The following DDX39B variants were observed in gnomAD, a reference collection of about 807,000 sequenced individuals.
DDX39B encodes spliceosome RNA helicase DDX39B.
DDX39B carries 6 observed loss-of-function variants against 46.4 expected under a neutral mutation model. The observed-to-expected ratio is 0.13, with a 90% CI of 0.07 to 0.26. The LOEUF (loss-of-function observed/expected upper bound fraction) is 0.26, where lower values mean the gene tolerates loss of function less well. Among genes scored for constraint, DDX39B ranks in the 10% least tolerant of loss-of-function variants. The probability of loss-of-function intolerance (pLI) is 1.00; values close to 1 mark genes in which losing one functional copy is unlikely to be tolerated. For missense variants in DDX39B, 185 were observed against 553.4 expected (o/e 0.33, Z 6.68); for synonymous variants, 174 against 199.4 (o/e 0.87, Z 1.07).
chr6:31,536,688 C>T lies in DDX39B; in HGVS notation c.433-5G>A, dbSNP rs1005257156. On this transcript the variant is annotated splice_polypyrimidine_tract_variant and splice_region_variant and intron_variant, in intron 4 of 10. Coordinates refer to ENST00000396172, the MANE Select transcript of DDX39B (RefSeq NM_004640.7). ...ACCACCAAAAAAAACAGCAACCTGCCGAGCCAGAAGCAAAGAGTCTCAAAA... is the reference window on the plus strand; with the variant it reads ...ACCACCAAAAAAAACAGCAACCTGCTGAGCCAGAAGCAAAGAGTCTCAAAA... The T allele has an allele frequency of 1.2e-6, 2 of 1,611,402 alleles. No individual in the cohort carries two copies. The highest frequency in any genetic ancestry group is 1.7e-6 in the Non-Finnish European group (2 of 1,179,656).
intron 5 of DDX39B, among the ~76,000 whole-genome samples, chr6:31,536,072 TACAA>T (rs1767747638): frequency 6.6e-6 from 1 of 152,202 alleles, no homozygotes; most frequent in African/African-American, 2.4e-5. Flanking sequence ...CACAAACTGC[TACAA>T]ACACTCTCTA....
At position 31,531,240 on chromosome 6, in the gene DDX39B, T is replaced by C; in HGVS notation, c.978-43A>G. ...TTTAAAACATGTTGAGATTCCCTTC[T>C]CTCAACTGTCTTTTTCTCCCAAGGA... On this transcript the variant is annotated intron_variant, in intron 8 of 10. Coordinates refer to ENST00000396172, the MANE Select transcript of DDX39B (RefSeq NM_004640.7). The surrounding 1 kb of genome is among the most constrained non-coding windows in gnomAD (Gnocchi z 5.8). 1 of 1,614,070 alleles carries C rather than the reference T, an allele frequency of 6.2e-7. No homozygotes were observed. The highest frequency in any genetic ancestry group is 8.5e-7 in the Non-Finnish European group (1 of 1,179,932).
rs1179010746 is a variant in DDX39B, at chr6:31,535,515, GA to G, written c.617-31del. 2.8e-5 allele frequency: 44 copies of G among 1,571,378 alleles called. No individual in the cohort carries two copies. Among genetic ancestry groups the G allele is most frequent in the Non-Finnish European group, 3.8e-5 (43 of 1,143,382 alleles). On this transcript the variant is annotated intron_variant, in intron 5 of 10. Coordinates refer to ENST00000396172, the MANE Select transcript of DDX39B (RefSeq NM_004640.7). The surrounding 1 kb of genome is among the most constrained non-coding windows in gnomAD (Gnocchi z 4.6). ...AAGAACAAGGAAAAAAATTGTAGGA[GA>G]AAATAAGCAGGTATGATAAACAAAG... is the stretch of plus-strand genomic sequence containing the variant.
intron 1 of DDX39B, chr6:31,541,411 C>T (rs1582971016): frequency 5.4e-6 from 2 of 370,872 alleles, no homozygotes; most frequent in East Asian, 1.5e-4. Flanking sequence ...GGTCTCACAT[C>T]ACTGTTACGC....
In DDX39B at chr6:31,534,716, G is replaced by A; in HGVS notation, c.735+651C>T. ...CTCCGCTGCCGCCATCCACCGCTGG[G>A]TGCCGTCTGCATTCCCTCGCCGCGC... On this transcript the variant is annotated intron_variant, in intron 6 of 10. Transcript: ENST00000396172. This position sits in a 1 kb window ranked among gnomAD's most constrained non-coding sequence, Gnocchi z 5.1. 5.7e-6 allele frequency: 2 copies of A among 352,822 alleles called. No individual in the cohort carries two copies. Among genetic ancestry groups the A allele is most frequent in the South Asian group, 2.2e-5 (1 of 45,132 alleles). The allele number at this position is 352,822 out of a possible 1,614,324, so 21.9% of individuals were successfully genotyped here.
chr6:31,534,738 G>T lies in DDX39B; in HGVS notation c.735+629C>A. On this transcript the variant is annotated intron_variant, in intron 6 of 10. Transcript: ENST00000396172. This position sits in a 1 kb window ranked among gnomAD's most constrained non-coding sequence, Gnocchi z 5.1. ...TGGGTGCCGTCTGCATTCCCTCGCC[G>T]CGCCACGGTGCTTCTCTGTTGCCGG... 1 of 348,170 alleles carries T rather than the reference G, an allele frequency of 2.9e-6. No individual in the cohort carries two copies. The highest frequency in any genetic ancestry group is 2.3e-5 in the South Asian group (1 of 44,090). 21.6% of individuals were successfully genotyped at this position (348,170 alleles called of 1,614,324 possible). A position where few individuals can be genotyped will look rare whatever the true frequency, so the allele number is the denominator to read the frequency against.
chr6:31,541,882 A>G (rs1249204065), intron 1 of DDX39B, 68 bp downstream of exon 1: 1 of 633,760 alleles, frequency 1.6e-6, no homozygotes, highest in East Asian at 2.7e-5. Flanking sequence ...GGTATCAGGA[A>G]CCCATGTGAC....
At chr6:31,537,263 TA>T (rs1417711864) in intron 4 of DDX39B, among the ~76,000 whole-genome samples, 1 of 151,952 alleles carries the variant, frequency 6.6e-6, no homozygotes, top group Non-Finnish European at 1.5e-5. Context: ...CCATCTCTAC[TA>T]AAATACAAAA....
At chr6:31,538,891 G>A in intron 3 of DDX39B, 36 bp from the exon 4 acceptor site, 1 of 1,596,604 alleles carries the variant, frequency 6.3e-7, no homozygotes, top group Non-Finnish European at 8.6e-7. Context: ...TATGGTAAAT[G>A]TAGCTCTTCA....
Position 31,536,490 on chromosome 6 carries a change from T to A in DDX39B, c.616+10A>T. On this transcript the variant is annotated intron_variant, in intron 5 of 10. Transcript: ENST00000396172. ...CCCAGCATTAGCCAAGCCCCAGCAC[T>A]GCCACTCACCGAGCTGTTCAAGCAT... is the stretch of plus-strand genomic sequence containing the variant. The A allele has an allele frequency of 6.2e-7, 1 of 1,613,222 alleles. No homozygotes were observed. Among genetic ancestry groups the A allele is most frequent in the East Asian group, 2.2e-5 (1 of 44,890 alleles).
rs3219189 is a variant in DDX39B, at chr6:31,530,261, TAAAA to T, written c.*169_*172del. On this transcript the variant is annotated 3_prime_UTR_variant, in exon 11 of 11. Transcript: ENST00000396172. The surrounding 1 kb of genome is among the most constrained non-coding windows in gnomAD (Gnocchi z 4.5). ...ACATGTGTTTCATTTTTAGTTTTGTTAAAAAAAAATTCTGACAAATCAGAAATGG... is the reference window on the plus strand; with the variant it reads ...ACATGTGTTTCATTTTTAGTTTTGTTAAAAATTCTGACAAATCAGAAATGG... The T allele has an allele frequency of 1.1e-6, 1 of 879,392 alleles. No individual in the cohort carries two copies. Among genetic ancestry groups the T allele is most frequent in the Non-Finnish European group, 1.7e-6 (1 of 587,830 alleles). 54.5% of individuals were successfully genotyped at this position (879,392 alleles called of 1,614,324 possible). A position where few individuals can be genotyped will look rare whatever the true frequency, so the allele number is the denominator to read the frequency against.
In DDX39B at chr6:31,530,453, GAGA is replaced by G; in HGVS notation, c.1271-6_1271-4del. 6.2e-7 allele frequency: 1 copy of G among 1,611,062 alleles called. No individual in the cohort carries two copies. ...AGTCTTCTACCGTGTCTGTTCAACT[GAGA>G]AGAAAACGTAGCATGGTCAGAATAA... On this transcript the variant is annotated splice_region_variant and splice_polypyrimidine_tract_variant and intron_variant, in intron 10 of 10. Coordinates refer to ENST00000396172, the MANE Select transcript of DDX39B (RefSeq NM_004640.7). The surrounding 1 kb of genome is among the most constrained non-coding windows in gnomAD (Gnocchi z 4.5).
At position 31,535,500 on chromosome 6, in the gene DDX39B, A is replaced by G. The variant is rs1169008052; in HGVS notation, c.617-15T>C. ...CCGACGCATGTCTACAAGAACAAGG[A>G]AAAAAATTGTAGGAGAAAATAAGCA... On this transcript the variant is annotated splice_polypyrimidine_tract_variant and intron_variant, in intron 5 of 10. Coordinates refer to ENST00000396172, the MANE Select transcript of DDX39B (RefSeq NM_004640.7). This position sits in a 1 kb window ranked among gnomAD's most constrained non-coding sequence, Gnocchi z 4.6. 6.2e-7 allele frequency: 1 copy of G among 1,600,108 alleles called. No individual in the cohort carries two copies. Among genetic ancestry groups the G allele is most frequent in the Non-Finnish European group, 8.6e-7 (1 of 1,169,296 alleles).
chr6:31,530,305 T>C lies in DDX39B; in HGVS notation c.*129A>G. On this transcript the variant is annotated 3_prime_UTR_variant, in exon 11 of 11. Coordinates refer to ENST00000396172, the MANE Select transcript of DDX39B (RefSeq NM_004640.7). The surrounding 1 kb of genome is among the most constrained non-coding windows in gnomAD (Gnocchi z 4.5). ...ATCAGAAATGGGGGTTCAGGAGTGG[T>C]GGTGATGCAAAAGATGGAAGCCATG... 7 of 1,111,230 alleles carry C rather than the reference T, an allele frequency of 6.3e-6. No individual in the cohort carries two copies. Among genetic ancestry groups the C allele is most frequent in the Non-Finnish European group, 8.9e-6 (7 of 783,342 alleles). The allele number at this position is 1,111,230 out of a possible 1,614,324, so 68.8% of individuals were successfully genotyped here.
intron 2 of DDX39B, 89 bp from the exon 3 acceptor site, chr6:31,539,363 C>G: frequency 6.5e-7 from 1 of 1,538,812 alleles, no homozygotes; most frequent in Non-Finnish European, 8.8e-7. Flanking sequence ...TTTCTTACCA[C>G]TCAATTCTCA....
At chr6:31,540,218 C>G in intron 2 of DDX39B, 104 bp downstream of exon 2, 1 of 1,295,730 alleles carries the variant, frequency 7.7e-7, no homozygotes, top group Non-Finnish European at 1.1e-6. Flanking sequence ...CCTGATCTAG[C>G]CTTAAGTATA....
In DDX39B at chr6:31,534,505, T is replaced by A. The variant is rs192936897; in HGVS notation, c.735+862A>T. ...CTTTACCTTTCCTATGTCCCTCTCC[T>A]CTGAGTATTAAAAAAAACAAAAAAA... On this transcript the variant is annotated intron_variant, in intron 6 of 10. Transcript: ENST00000396172. The surrounding 1 kb of genome is among the most constrained non-coding windows in gnomAD (Gnocchi z 5.1). 4 of 470,088 alleles carry A rather than the reference T, an allele frequency of 8.5e-6. No individual in the cohort carries two copies. The East Asian group carries it at 2.8e-4, about 33-fold the overall frequency. 29.1% of individuals were successfully genotyped at this position (470,088 alleles called of 1,614,324 possible).
rs1767553772 is a variant in DDX39B, at chr6:31,534,507, T to C, written c.735+860A>G. ...TTACCTTTCCTATGTCCCTCTCCTC[T>C]GAGTATTAAAAAAAACAAAAAAATT... On this transcript the variant is annotated intron_variant, in intron 6 of 10. Transcript: ENST00000396172. This position sits in a 1 kb window ranked among gnomAD's most constrained non-coding sequence, Gnocchi z 5.1. 1 of 470,038 alleles carries C rather than the reference T, an allele frequency of 2.1e-6. No homozygotes were observed. Among genetic ancestry groups the C allele is most frequent in the African/African-American group, 2.0e-5 (1 of 49,798 alleles). The allele number at this position is 470,038 out of a possible 1,614,324, so 29.1% of individuals were successfully genotyped here.
intron 4 of DDX39B, among the ~76,000 whole-genome samples, chr6:31,536,966 A>C (rs554689872): frequency 8.2e-4 from 125 of 152,332 alleles, no homozygotes; most frequent in African/African-American, 2.8e-3. Context: ...CATTTAAAAA[A>C]TAAAGGAGCC....
Sources: gnomAD v4.1 joint callset for allele counts (sites outside exome capture counted in the v4.1 genomes callset) on GRCh38, gnomAD v4.1.1 for gene constraint, Gnocchi (gnomAD v3.1) non-coding constraint, MANE v1.5 for transcripts, NCBI Gene and HGNC (gene_info 2026-07-23, HGNC 2026-07-21) for gene names.